Variants in PTPRK observed in about 807,000 individuals in gnomAD.
The protein encoded by PTPRK is receptor-type tyrosine-protein phosphatase kappa.
PTPRK carries 75 observed loss-of-function variants against 178.0 expected under a neutral mutation model. The observed-to-expected ratio is 0.42, with a 90% CI of 0.35 to 0.51. The LOEUF is 0.51. PTPRK is among the 20% of genes least tolerant of loss of function. The pLI, the probability that PTPRK is intolerant of heterozygous loss-of-function variation, is 0.02. For missense variants in PTPRK, 1,441 were observed against 1,797.8 expected (o/e 0.80, Z 3.59); for synonymous variants, 637 against 620.6 (o/e 1.03, Z -0.39).
At chr6:128,290,590 T>C (rs373259694) in intron 3 of PTPRK, among the ~76,000 whole-genome samples, 1 of 152,006 alleles carries the variant, frequency 6.6e-6, no homozygotes, top group Non-Finnish European at 1.5e-5. Flanking sequence ...AACCCTGGTG[T>C]AGAGATTAGG....
intron 1 of PTPRK, among the ~76,000 whole-genome samples, chr6:128,512,213 A>G (rs1857294511): frequency 6.6e-6 from 1 of 152,180 alleles, no homozygotes; most frequent in Non-Finnish European, 1.5e-5. Context: ...TGTCTAAATT[A>G]AGTACATATG....
At chr6:128,415,823 A>G (rs1189707875) in intron 1 of PTPRK, among the ~76,000 whole-genome samples, 1 of 152,208 alleles carries the variant, frequency 6.6e-6, no homozygotes, top group African/African-American at 2.4e-5. Flanking sequence ...GAAGGCTTAA[A>G]TAAATTACTA....
chr6:128,224,709 A>G (rs1025220386), intron 5 of PTPRK, among the ~76,000 whole-genome samples: 7 of 152,198 alleles, frequency 4.6e-5, no homozygotes, highest in African/African-American at 1.7e-4. Flanking sequence ...CTGGCCAAGG[A>G]GATATGATAG....
intron 1 of PTPRK, among the ~76,000 whole-genome samples, chr6:128,408,041 A>G (rs1256361314): frequency 6.6e-6 from 1 of 152,210 alleles, no homozygotes; most frequent in Non-Finnish European, 1.5e-5. Context: ...AGATAAAATA[A>G]ATTATTACAA....
At chr6:128,456,815 A>G (rs1031223900) in intron 1 of PTPRK, among the ~76,000 whole-genome samples, 2 of 152,140 alleles carry the variant, frequency 1.3e-5, no homozygotes, top group Non-Finnish European at 2.9e-5. Context: ...TTGGCTTTTT[A>G]CAGATAGAAA....
chr6:128,501,694 C>T (rs1251386075), intron 1 of PTPRK, among the ~76,000 whole-genome samples: 2 of 152,090 alleles, frequency 1.3e-5, no homozygotes, highest in Admixed American at 6.5e-5. Flanking sequence ...TTTTCTAACA[C>T]TGATAGAGAT....
At chr6:128,130,953 ATTGT>A (rs1794141711) in intron 7 of PTPRK, among the ~76,000 whole-genome samples, 1 of 152,158 alleles carries the variant, frequency 6.6e-6, no homozygotes, top group South Asian at 2.1e-4. Context: ...ATGAATGAGT[ATTGT>A]TTGTCTTGTG....
At chr6:127,994,082 A>T (rs1776885348) in intron 18 of PTPRK, among the ~76,000 whole-genome samples, 1 of 151,774 alleles carries the variant, frequency 6.6e-6, no homozygotes. Context: ...ATAAATTTAT[A>T]TAATGAATAA....
chr6:128,330,014 T>C (rs1041191569), intron 2 of PTPRK, among the ~76,000 whole-genome samples: 1 of 152,200 alleles, frequency 6.6e-6, no homozygotes, highest in African/African-American at 2.4e-5. Context: ...CTTGAATAGC[T>C]ACCAAAGCAC....
chr6:128,064,877 C>A, intron 12 of PTPRK, 83 bp from the exon 13 acceptor site: 1 of 1,389,194 alleles, frequency 7.2e-7, no homozygotes, highest in Non-Finnish European at 9.4e-7. Context: ...TTATGAAGAT[C>A]CATCTGGGGT....
intron 3 of PTPRK, among the ~76,000 whole-genome samples, chr6:128,269,256 G>C (rs1346413675): frequency 6.6e-6 from 1 of 151,974 alleles, no homozygotes; most frequent in East Asian, 1.9e-4. Flanking sequence ...ATCAAGAGAA[G>C]ATAAATTCTC....
chr6:127,998,853 C>A lies in PTPRK; in HGVS notation c.2546G>T (p.Arg849Leu). 6.2e-7 allele frequency: 1 copy of A among 1,602,942 alleles called. No homozygotes were observed. Among genetic ancestry groups the A allele is most frequent in the Non-Finnish European group, 8.5e-7 (1 of 1,173,006 alleles). The change falls in exon 16 of 30, where the codon CGC becomes CTC. Residue 849 changes from arginine to leucine, a missense_variant. By Grantham distance (102) the Arg-to-Leu change is moderately radical. This residue lies in a region of PTPRK where 945 missense variants were observed against 1,080.6 expected (regional missense o/e 0.87). Coordinates refer to ENST00000368226, the MANE Select transcript of PTPRK (RefSeq NM_002844.4). ...AESSRLLDVP[R>L]YLCEGTESPY... ...GGATTCCGTCCCCTCACAGAGGTAG[C>A]GAGGTACGTCTAGAAGGCGACTGGA...
At chr6:128,241,379 AG>A in intron 4 of PTPRK, 1 of 508,286 alleles carries the variant, frequency 2.0e-6, no homozygotes, top group East Asian at 5.6e-5. Flanking sequence ...AATCAGAACC[AG>A]GGGAAGAGCC....
intron 3 of PTPRK, among the ~76,000 whole-genome samples, chr6:128,292,608 T>C (rs979899320): frequency 6.6e-6 from 1 of 152,054 alleles, no homozygotes; most frequent in Non-Finnish European, 1.5e-5. Flanking sequence ...GGTGGATTTA[T>C]ATGTGTTATT....
chr6:128,473,410 T>A (rs1490422491), intron 1 of PTPRK, among the ~76,000 whole-genome samples: 1 of 137,664 alleles, frequency 7.3e-6, no homozygotes. Context: ...TACTATTTTT[T>A]TTTTTTTTTT....
At chr6:128,390,005 A>C (rs1839329410) in intron 2 of PTPRK, among the ~76,000 whole-genome samples, 2 of 151,884 alleles carry the variant, frequency 1.3e-5, no homozygotes, top group South Asian at 4.2e-4. Flanking sequence ...ACTGCTTCCA[A>C]CTCCCACTGT....
chr6:128,327,902 T>TAA, intron 2 of PTPRK, among the ~76,000 whole-genome samples: 1 of 152,242 alleles, frequency 6.6e-6, no homozygotes. Flanking sequence ...CACGGGAAGA[T>TAA]AAAGTCTGCT....
intron 7 of PTPRK, among the ~76,000 whole-genome samples, chr6:128,125,567 C>A (rs532971321): frequency 6.8e-6 from 1 of 146,680 alleles, no homozygotes; most frequent in Admixed American, 6.9e-5. Context: ...TATAGCAATG[C>A]AAGAACAGAC....
At chr6:128,194,575 G>C (rs1366332605) in intron 6 of PTPRK, among the ~76,000 whole-genome samples, 1 of 152,128 alleles carries the variant, frequency 6.6e-6, no homozygotes, top group African/African-American at 2.4e-5. Context: ...ACTGTTCATA[G>C]TATTTCAAGA....
Sources: gnomAD v4.1 joint callset for allele counts (sites outside exome capture counted in the v4.1 genomes callset) on GRCh38, gnomAD v4.1.1 for gene constraint, gnomAD v4.1.1 regional missense constraint, MANE v1.5 for transcripts, NCBI Gene and HGNC (gene_info 2026-07-23, HGNC 2026-07-21) for gene names.